Variants in CNTNAP5 observed in about 807,000 individuals in gnomAD.
CNTNAP5 encodes contactin associated protein family member 5, also known as contactin-associated protein-like 5.
A neutral mutation model predicts 150.2 loss-of-function variants in CNTNAP5; 72 were observed. That is an observed-to-expected ratio of 0.48 (90% CI 0.40 to 0.58). The LOEUF is 0.58. CNTNAP5 is among the 20% of genes least tolerant of loss of function. The pLI is 0.00. For synonymous variants in CNTNAP5, 672 were observed against 619.8 expected (o/e 1.08, Z -1.25); for missense variants, 1,636 against 1,626.2 (o/e 1.01, Z -0.10).
At chr2:124,402,810 T>C (rs998401923) in intron 3 of CNTNAP5, among the ~76,000 whole-genome samples, 10 of 152,218 alleles carry the variant, frequency 6.6e-5, no homozygotes, top group African/African-American at 2.2e-4. Flanking sequence ...AGTTCTATTG[T>C]TTAACTCTCA....
At chr2:124,758,963 C>A (rs1045253626) in intron 14 of CNTNAP5, among the ~76,000 whole-genome samples, 6 of 152,090 alleles carry the variant, frequency 3.9e-5, no homozygotes, top group African/African-American at 1.4e-4. Flanking sequence ...TTATTCTCTA[C>A]AAAACATTAA....
intron 11 of CNTNAP5, among the ~76,000 whole-genome samples, chr2:124,580,443 T>C (rs531701290): frequency 6.6e-6 from 1 of 152,352 alleles, no homozygotes; most frequent in East Asian, 1.9e-4. Context: ...TTTGGTTGTT[T>C]CTGTACCTCA....
chr2:124,472,967 T>C (rs1258804532), intron 6 of CNTNAP5, among the ~76,000 whole-genome samples: 1 of 151,862 alleles, frequency 6.6e-6, no homozygotes, highest in African/African-American at 2.4e-5. Context: ...ATTGCCTGTA[T>C]CTCCCTCACA....
intron 1 of CNTNAP5, among the ~76,000 whole-genome samples, chr2:124,147,370 A>G (rs983989663): frequency 5.9e-5 from 9 of 152,268 alleles, no homozygotes; most frequent in African/African-American, 2.2e-4. Context: ...AAGCAAACAC[A>G]TTAATATTTC....
rs1382924451 is a variant in CNTNAP5 at position 124,165,501 on chromosome 2, CAT to C, written c.83-56201_83-56200del. 1.1e-4 allele frequency among the ~76,000 whole-genome samples: 16 copies of C among 152,204 alleles called. No individual in the cohort carries two copies. The South Asian group carries it at 2.5e-3, about 24-fold the overall frequency. ...TGTTTGTGAAGATCAAATAAGAAAA[CAT>C]ATGTGTAGTGTTTACCAGAATGCCT... On this transcript the variant is annotated intron_variant, in intron 1 of 23. Coordinates refer to ENST00000682447, the MANE Select transcript of CNTNAP5 (RefSeq NM_001367498.1).
At chr2:124,356,992 T>G (rs914569737) in intron 3 of CNTNAP5, among the ~76,000 whole-genome samples, 5 of 152,122 alleles carry the variant, frequency 3.3e-5, no homozygotes, top group Non-Finnish European at 5.9e-5. Flanking sequence ...TTTTAATGAT[T>G]GCCATTCTAA....
intron 11 of CNTNAP5, among the ~76,000 whole-genome samples, chr2:124,569,064 T>A (rs1158315776): frequency 6.6e-6 from 1 of 151,930 alleles, no homozygotes; most frequent in Non-Finnish European, 1.5e-5. Flanking sequence ...AAAAAATATA[T>A]ATATATATCT....
At chr2:124,818,407 G>T (rs1355260773) in intron 19 of CNTNAP5, among the ~76,000 whole-genome samples, 2 of 152,066 alleles carry the variant, frequency 1.3e-5, no homozygotes, top group Non-Finnish European at 2.9e-5. Flanking sequence ...ACTGTAGGTT[G>T]TCCCAGCTAC....
At chr2:124,132,252 A>G (rs889382718) in intron 1 of CNTNAP5, among the ~76,000 whole-genome samples, 3 of 152,136 alleles carry the variant, frequency 2.0e-5, no homozygotes, top group African/African-American at 7.2e-5. Flanking sequence ...AAGAATACAC[A>G]AGGTTCCTCA....
intron 3 of CNTNAP5, among the ~76,000 whole-genome samples, chr2:124,255,870 GTA>G (rs1687300094): frequency 1.3e-5 from 2 of 152,218 alleles, no homozygotes; most frequent in South Asian, 4.1e-4. Context: ...CAGGCACATA[GTA>G]GGTACTCAAT....
rs890419178 is a variant in CNTNAP5, at chr2:124,915,960, A to G, written c.*1672A>G. The stretch of plus-strand genomic sequence containing the variant: ...AGATTCAATTTAGAAAACAATGACC[A>G]CAGCTCTATTTGCCATCCTTGACAG... On this transcript the variant is annotated 3_prime_UTR_variant, in exon 24 of 24. Transcript: ENST00000682447. Among the ~76,000 whole-genome samples the G allele has an allele frequency of 3.9e-5, 6 of 152,084 alleles. No homozygotes were observed. The highest frequency in any genetic ancestry group is 7.4e-5 in the Non-Finnish European group (5 of 67,984).
chr2:124,339,240 A>C (rs1344799570), intron 3 of CNTNAP5, among the ~76,000 whole-genome samples: 1 of 152,148 alleles, frequency 6.6e-6, no homozygotes, highest in Non-Finnish European at 1.5e-5. Context: ...GAACAGTAAA[A>C]ACACATTCTT....
chr2:124,624,043 T>C (rs902179322), intron 12 of CNTNAP5, among the ~76,000 whole-genome samples: 2 of 152,184 alleles, frequency 1.3e-5, no homozygotes, highest in Non-Finnish European at 1.5e-5. Context: ...GGTGACCACA[T>C]AGGGCTTCCA....
intron 13 of CNTNAP5, 35 bp downstream of exon 13, chr2:124,647,993 G>A: frequency 6.4e-7 from 1 of 1,550,616 alleles, no homozygotes; most frequent in Non-Finnish European, 8.7e-7. Flanking sequence ...CAGTGGGATA[G>A]ATGGGACCCT....
At chr2:124,912,974 T>C (rs982403995) in intron 23 of CNTNAP5, among the ~76,000 whole-genome samples, 3 of 152,072 alleles carry the variant, frequency 2.0e-5, no homozygotes, top group Non-Finnish European at 4.4e-5. Context: ...AACATAGTTG[T>C]AGAAAATGCC....
chr2:124,210,006 A>G (rs1292486490), intron 1 of CNTNAP5, among the ~76,000 whole-genome samples: 1 of 152,214 alleles, frequency 6.6e-6, no homozygotes, highest in African/African-American at 2.4e-5. Flanking sequence ...AAGCGGTGCC[A>G]GAAGATTAAA....
intron 17 of CNTNAP5, among the ~76,000 whole-genome samples, chr2:124,782,649 C>T (rs1375838478): frequency 2.0e-5 from 3 of 151,456 alleles, no homozygotes; most frequent in Non-Finnish European, 4.4e-5. Context: ...AGCATATTGA[C>T]CAAAGAACTT....
chr2:124,713,265 C>T (rs894490878), intron 13 of CNTNAP5, among the ~76,000 whole-genome samples: 10 of 104,042 alleles, frequency 9.6e-5, no homozygotes, highest in South Asian at 4.1e-4. Flanking sequence ...TTCTTTCTTT[C>T]TTTCTTTCTT....
intron 1 of CNTNAP5, among the ~76,000 whole-genome samples, chr2:124,092,473 CAA>C (rs1226129421): frequency 1.1e-4 from 17 of 152,250 alleles, no homozygotes; most frequent in Admixed American, 7.8e-4. Context: ...AAATTTGGAC[CAA>C]AGTTTGCCAA....
Sources: allele counts gnomAD v4.1 joint callset (sites outside exome capture counted in the v4.1 genomes callset), GRCh38; gene constraint gnomAD v4.1.1; transcripts MANE v1.5; gene names NCBI Gene and HGNC (gene_info 2026-07-23, HGNC 2026-07-21).